Variants in SLCO6A1 observed in about 807,000 individuals in gnomAD.
SLCO6A1 encodes cancer/testis antigen 48.
A neutral mutation model predicts 72.7 loss-of-function variants in SLCO6A1; 65 were observed. The ratio of observed to expected loss-of-function variants is 0.89; its 90% CI spans 0.73 to 1.10. SLCO6A1 has a LOEUF of 1.10. Ranked by LOEUF, SLCO6A1 falls within the 50% of genes least tolerant of loss-of-function variation. The pLI, the probability that SLCO6A1 is intolerant of heterozygous loss-of-function variation, is 0.00. For synonymous variants in SLCO6A1, 314 were observed against 298.2 expected, an observed-to-expected ratio of 1.05 and a Z score of -0.55; for missense variants, 874 against 872.6, an observed-to-expected ratio of 1.00 and a Z score of -0.02.
At chr5:102,375,244 G>C (rs868557670) in intron 12 of SLCO6A1, among the ~76,000 whole-genome samples, 4 of 152,182 alleles carry the variant, frequency 2.6e-5, no homozygotes, top group South Asian at 2.1e-4. Flanking sequence ...TGAAGCACAG[G>C]CAGGTCTACA....
intron 1 of SLCO6A1, among the ~76,000 whole-genome samples, chr5:102,482,889 G>A (rs1314677058): frequency 6.6e-6 from 1 of 152,098 alleles, no homozygotes; most frequent in Non-Finnish European, 1.5e-5. Flanking sequence ...TATAATACCT[G>A]CCTCCAGGTA....
chr5:102,389,567 A>T (rs1025974637), intron 11 of SLCO6A1, among the ~76,000 whole-genome samples: 6 of 149,222 alleles, frequency 4.0e-5, no homozygotes, highest in Non-Finnish European at 4.4e-5. Flanking sequence ...TGCCTAAATG[A>T]CTCTTGATTC....
chr5:102,449,579 G>T (rs1297155542), intron 6 of SLCO6A1, among the ~76,000 whole-genome samples: 1 of 152,016 alleles, frequency 6.6e-6, no homozygotes, highest in South Asian at 2.1e-4. Context: ...GTAGAAATGG[G>T]GTTTCACCGT....
intron 1 of SLCO6A1, among the ~76,000 whole-genome samples, chr5:102,493,054 C>T (rs1465696295): frequency 6.6e-6 from 1 of 152,040 alleles, no homozygotes; most frequent in Non-Finnish European, 1.5e-5. Flanking sequence ...TACCCTAGAA[C>T]TTAAAGTGTA....
intron 9 of SLCO6A1, among the ~76,000 whole-genome samples, chr5:102,403,158 AC>A (rs1747490235): frequency 6.6e-6 from 1 of 152,182 alleles, no homozygotes; most frequent in African/African-American, 2.4e-5. Context: ...ATGATTATGT[AC>A]TATATTTCTT....
chr5:102,463,891 A>C (rs529344762), intron 4 of SLCO6A1, among the ~76,000 whole-genome samples: 1 of 89,798 alleles, frequency 1.1e-5, no homozygotes, highest in Admixed American at 1.1e-4. Context: ...CGTCTCAAAA[A>C]AGAAGAAAAA....
chr5:102,422,170 C>A (rs796458034), intron 7 of SLCO6A1, among the ~76,000 whole-genome samples: 1 of 152,168 alleles, frequency 6.6e-6, no homozygotes, highest in Non-Finnish European at 1.5e-5. Context: ...TGAGGAAAAA[C>A]CAGTGCAAAA....
chr5:102,398,338 T>C (rs1161319933), intron 10 of SLCO6A1, among the ~76,000 whole-genome samples: 1 of 152,022 alleles, frequency 6.6e-6, no homozygotes, highest in Admixed American at 6.6e-5. Context: ...TCACCACACC[T>C]GGCTAATTTC....
At chr5:102,477,576 C>T (rs955280328) in intron 3 of SLCO6A1, 100 bp downstream of exon 3, 20 of 890,658 alleles carry the variant, frequency 2.2e-5, no homozygotes, top group Non-Finnish European at 3.2e-5. Context: ...ACAATGTTAT[C>T]ATAAGGGCCA....
intron 6 of SLCO6A1, among the ~76,000 whole-genome samples, chr5:102,448,166 T>C (rs1260013821): frequency 6.6e-6 from 1 of 152,222 alleles, no homozygotes; most frequent in Non-Finnish European, 1.5e-5. Context: ...TTAATTTCCA[T>C]GTAATTGTAT....
chr5:102,488,964 A>AT (rs1752558101), intron 1 of SLCO6A1, among the ~76,000 whole-genome samples: 1 of 152,236 alleles, frequency 6.6e-6, no homozygotes, highest in South Asian at 2.1e-4. Context: ...AGGAAGTCAC[A>AT]TAAAAAGTCA....
chr5:102,390,540 C>T (rs1020815040), intron 11 of SLCO6A1, among the ~76,000 whole-genome samples: 5 of 152,050 alleles, frequency 3.3e-5, no homozygotes, highest in Non-Finnish European at 7.4e-5. Context: ...TAGTACATTA[C>T]CTCCCAACAT....
intron 7 of SLCO6A1, among the ~76,000 whole-genome samples, chr5:102,425,960 T>C (rs1378145028): frequency 6.6e-6 from 1 of 151,524 alleles, no homozygotes; most frequent in Admixed American, 6.6e-5. Flanking sequence ...TCAGAAATAA[T>C]GCTGTGTATC....
In SLCO6A1 at chr5:102,434,716, A is replaced by G. The variant is rs1749409578; in HGVS notation, c.1276+3901T>C. The stretch of plus-strand genomic sequence containing the variant: ...GTAGGTTTAAAGACAGCTCCATAGA[A>G]AGTACCATAGGTCTTATCAACTCTT... On this transcript the variant is annotated intron_variant, in intron 7 of 13. Transcript: ENST00000506729. 2.0e-5 allele frequency among the ~76,000 whole-genome samples: 3 copies of G among 152,156 alleles called. No homozygotes were observed. The South Asian group carries it at 6.2e-4, about 32-fold the overall frequency.
At chr5:102,469,670 C>T (rs1751500967) in intron 4 of SLCO6A1, among the ~76,000 whole-genome samples, 1 of 152,074 alleles carries the variant, frequency 6.6e-6, no homozygotes. Context: ...TGCCTGATTG[C>T]CCTGGCCAGA....
intron 6 of SLCO6A1, among the ~76,000 whole-genome samples, chr5:102,447,135 T>C (rs1226676303): frequency 6.6e-6 from 1 of 152,220 alleles, no homozygotes; most frequent in East Asian, 1.9e-4. Context: ...TGTGCTTTTG[T>C]TTTTAGTTCT....
At chr5:102,425,270 G>T (rs1464914671) in intron 7 of SLCO6A1, among the ~76,000 whole-genome samples, 2 of 151,990 alleles carry the variant, frequency 1.3e-5, no homozygotes, top group Non-Finnish European at 2.9e-5. Flanking sequence ...TTCTGCCCAG[G>T]GTGATTAGGC....
chr5:102,468,700 T>C (rs1343859456), intron 4 of SLCO6A1, among the ~76,000 whole-genome samples: 1 of 152,072 alleles, frequency 6.6e-6, no homozygotes, highest in African/African-American at 2.4e-5. Context: ...CTTCTACCCT[T>C]TTACTTTAAG....
chr5:102,395,567 G>A lies in SLCO6A1; in HGVS notation c.1814+3988C>T, dbSNP rs1747024895. Among the ~76,000 whole-genome samples the A allele has an allele frequency of 3.3e-5, 5 of 152,154 alleles. No individual in the cohort carries two copies. In the South Asian group the frequency reaches 8.3e-4, roughly 25 times the overall value. ...TTGGGTATATACCCAGTAATGGGAT[G>A]GCTGGGTCAAATGGTATTTCTAGTT... On this transcript the variant is annotated intron_variant, in intron 10 of 13. Transcript: ENST00000506729.
Sources: allele counts gnomAD v4.1 joint callset (sites outside exome capture counted in the v4.1 genomes callset), GRCh38; gene constraint gnomAD v4.1.1; transcripts MANE v1.5; gene names NCBI Gene and HGNC (gene_info 2026-07-23, HGNC 2026-07-21).